Variants in LTBP2 observed in about 807,000 individuals in gnomAD.
LTBP2 encodes the protein latent-transforming growth factor beta-binding protein 2.
In LTBP2, 103 loss-of-function variants were observed where a neutral mutation model predicts 210.6. The observed-to-expected ratio is 0.49, with a 90% confidence interval of 0.42 to 0.58. The LOEUF (loss-of-function observed/expected upper bound fraction) is 0.58. LTBP2 is among the 20% of genes least tolerant of loss of function. The probability of loss-of-function intolerance (pLI) is 0.00; values close to 1 mark genes in which losing one functional copy is unlikely to be tolerated. For missense variants in LTBP2, 2,313 were observed against 2,494.5 expected, an observed-to-expected ratio of 0.93 and a Z score of 1.55; for synonymous variants, 1,007 against 1,015.0, an observed-to-expected ratio of 0.99 and a Z score of 0.15.
intron 9 of LTBP2, 108 bp downstream of exon 9, chr14:74,535,818 A>G (rs769036253): frequency 4.2e-5 from 40 of 955,956 alleles, no homozygotes; most frequent in Non-Finnish European, 6.6e-5. Flanking sequence ...GCTGGGGCTT[A>G]GAGGGACTCA....
intron 2 of LTBP2, among the ~76,000 whole-genome samples, chr14:74,599,970 G>A (rs2088421589): frequency 6.6e-6 from 1 of 152,256 alleles, no homozygotes; most frequent in South Asian, 2.1e-4. Context: ...GTGTGAAACT[G>A]CTAGGACAGA....
At chr14:74,595,566 A>T (rs577162289) in intron 2 of LTBP2, among the ~76,000 whole-genome samples, 2 of 152,170 alleles carry the variant, frequency 1.3e-5, no homozygotes, top group Non-Finnish European at 2.9e-5. Flanking sequence ...TCTAGGCTGG[A>T]GTGGAGCCAG....
At chr14:74,571,054 G>A (rs897680845) in intron 3 of LTBP2, among the ~76,000 whole-genome samples, 2 of 151,940 alleles carry the variant, frequency 1.3e-5, no homozygotes, top group African/African-American at 4.8e-5. Flanking sequence ...AAAAAAGAGT[G>A]GGCACGGTGG....
intron 15 of LTBP2, among the ~76,000 whole-genome samples, chr14:74,523,614 C>T (rs1282601762): frequency 6.6e-6 from 1 of 152,138 alleles, no homozygotes; most frequent in African/African-American, 2.4e-5. Flanking sequence ...AGTTTGGAGG[C>T]AGACTCACTG....
chr14:74,504,036 A>G lies in LTBP2; in HGVS notation c.4472T>C (p.Ile1491Thr). 1 of 1,614,052 alleles carries G rather than the reference A, an allele frequency of 6.2e-7. No individual in the cohort carries two copies. Among genetic ancestry groups the G allele is most frequent in the Non-Finnish European group, 8.5e-7 (1 of 1,180,014 alleles). The change falls in exon 31 of 36, where the codon ATA becomes ACA. Residue 1491 changes from isoleucine to threonine, a missense_variant. Ile to Thr is a moderately conservative substitution (Grantham distance 89, BLOSUM62 -1). Coordinates refer to ENST00000261978, the MANE Select transcript of LTBP2 (RefSeq NM_000428.3). ...GTTCGGGCAGAGACCAGGCCCGAAT[A>G]TCACACACTCATCCGCATCTGTGGA... ...TMYTDADECV[I>T]FGPGLCPNGR...
intron 2 of LTBP2, among the ~76,000 whole-genome samples, chr14:74,594,885 C>T (rs1404658567): frequency 6.6e-6 from 1 of 152,234 alleles, no homozygotes; most frequent in Non-Finnish European, 1.5e-5. Context: ...CTCCCAGGCC[C>T]TGACTGAGGA....
At chr14:74,566,392 C>T (rs1254774120) in intron 3 of LTBP2, among the ~76,000 whole-genome samples, 4 of 152,236 alleles carry the variant, frequency 2.6e-5, no homozygotes, top group Non-Finnish European at 5.9e-5. Context: ...CCAGAACTCT[C>T]TCTGCTGCCG....
intron 30 of LTBP2, 98 bp downstream of exon 30, chr14:74,504,680 C>T (rs1465939278): frequency 8.4e-7 from 1 of 1,195,578 alleles, no homozygotes; most frequent in African/African-American, 1.5e-5. Flanking sequence ...ACCTGCGAGG[C>T]CAGGGCTGGA....
At position 74,508,820 on chromosome 14, in the gene LTBP2, G is replaced by A. The variant is rs746573731; in HGVS notation, c.3526+10C>T. 6 of 1,613,658 alleles carry A rather than the reference G, an allele frequency of 3.7e-6. No homozygotes were observed. Among genetic ancestry groups the A allele is most frequent in the African/African-American group, 1.3e-5 (1 of 74,990 alleles). On this transcript the variant is annotated intron_variant, in intron 23 of 35. Transcript: ENST00000261978. ...CCCCCACCCCCAGTAGGGTGACCTG[G>A]GTCACTCACCCTCACACACGGTGCC...
intron 14 of LTBP2, 54 bp from the exon 15 acceptor site, chr14:74,525,279 C>G: frequency 9.8e-7 from 1 of 1,021,826 alleles, no homozygotes; most frequent in Non-Finnish European, 1.3e-6. Context: ...CTGGCCATGG[C>G]CCTTCCCTCT....
In LTBP2 at chr14:74,506,700, A is replaced by G. The variant is rs759305635; in HGVS notation, c.4031T>C (p.Val1344Ala). 2 of 1,613,356 alleles carry G rather than the reference A, an allele frequency of 1.2e-6. No individual in the cohort carries two copies. The change falls in exon 27 of 36, where the codon GTG becomes GCG. Residue 1344 changes from valine to alanine, a missense_variant and splice_region_variant. By Grantham distance (64) the Val-to-Ala change is moderately conservative. Transcript: ENST00000261978. ...FEISPSGWDC[V>A]DVNECELMLA... ...TGGGTAGCCCACAGGCTCCTCACCC[A>G]CACAGTCCCAGCCTGAGGGAGAGAT...
In LTBP2 at chr14:74,516,916, C is replaced by A; in HGVS notation, c.2814G>T (p.Gly938=). Residue 938 remains glycine (G), a synonymous_variant, in exon 18 of 36, where the codon GGG becomes GGT. Transcript: ENST00000261978. ...TGGTGCACTGCCCCCCGCTGCACAC[C>A]CCTGGCTGCTCACACTCATTGATAT... ...CQDINECEQP[G]VCSGGQCTNT... The A allele has an allele frequency of 6.4e-7, 1 of 1,551,926 alleles. No individual in the cohort carries two copies. Among genetic ancestry groups the A allele is most frequent in the Non-Finnish European group, 8.7e-7 (1 of 1,147,120 alleles).
rs1005213228 is a variant in LTBP2, at chr14:74,506,133, C to T, written c.4092G>A (p.Val1364=). The T allele has an allele frequency of 5.0e-6, 8 of 1,614,110 alleles. No individual in the cohort carries two copies. Among genetic ancestry groups the T allele is most frequent in the Middle Eastern group, 1.6e-4 (1 of 6,084 alleles). Residue 1364 remains valine (V), a synonymous_variant, in exon 28 of 36, where the codon GTG becomes GTA. Coordinates refer to ENST00000261978, the MANE Select transcript of LTBP2 (RefSeq NM_000428.3). Reference sequence around the variant, plus strand: ...CACAGAGGCACAGGAAGGAGCCCTCCACGTTCTCACAGAGCGCGGCCCCAC... The same window carrying T: ...CACAGAGGCACAGGAAGGAGCCCTCTACGTTCTCACAGAGCGCGGCCCCAC... The part of the protein sequence containing the change: ...AVCGAALCEN[V]EGSFLCLCAS...
At chr14:74,545,416 C>G (rs2087564621) in intron 8 of LTBP2, among the ~76,000 whole-genome samples, 1 of 152,224 alleles carries the variant, frequency 6.6e-6, no homozygotes, top group South Asian at 2.1e-4. Flanking sequence ...GAGAAAGGTG[C>G]AGAGTTCCTT....
intron 6 of LTBP2, among the ~76,000 whole-genome samples, chr14:74,551,608 G>A (rs896263747): frequency 7.9e-5 from 12 of 152,064 alleles, no homozygotes; most frequent in Non-Finnish European, 1.8e-4. Context: ...CCTCCCCCAT[G>A]ACCCTGGCCA....
At chr14:74,568,150 G>A (rs542245516) in intron 3 of LTBP2, among the ~76,000 whole-genome samples, 8 of 152,306 alleles carry the variant, frequency 5.3e-5, no homozygotes, top group East Asian at 1.9e-4. Context: ...CTGATGTAGC[G>A]TGGTCCCGGT....
At chr14:74,547,065 T>C (rs2087586254) in intron 8 of LTBP2, among the ~76,000 whole-genome samples, 2 of 152,254 alleles carry the variant, frequency 1.3e-5, no homozygotes, top group Non-Finnish European at 2.9e-5. Context: ...CCTGCATCTC[T>C]GCACCCCTGA....
At chr14:74,503,167 C>T in intron 33 of LTBP2, 52 bp downstream of exon 33, 1 of 1,605,388 alleles carries the variant, frequency 6.2e-7, no homozygotes, top group East Asian at 2.2e-5. Flanking sequence ...GGGCATCCCC[C>T]TCCCTGGGGC....
intron 8 of LTBP2, among the ~76,000 whole-genome samples, chr14:74,539,691 G>GGGAGAC (rs879389159): frequency 5.9e-5 from 9 of 152,054 alleles, no homozygotes; most frequent in Admixed American, 2.6e-4. Context: ...GGGCAACAGA[G>GGGAGAC]GGAGACGGAG....
Sources: allele counts gnomAD v4.1 joint callset (sites outside exome capture counted in the v4.1 genomes callset), GRCh38; gene constraint gnomAD v4.1.1; transcripts MANE v1.5; gene names NCBI Gene and HGNC (gene_info 2026-07-23, HGNC 2026-07-21).